The following GLT1D1 variants were observed in gnomAD, a reference collection of about 807,000 sequenced individuals.
GLT1D1 encodes the protein glycosyltransferase 1 domain containing 1.
GLT1D1 carries 21 observed loss-of-function variants against 28.7 expected under a neutral mutation model. The ratio of observed to expected loss-of-function variants is 0.73; its 90% CI spans 0.52 to 1.05. GLT1D1 has a LOEUF of 1.05. Ranked by LOEUF, GLT1D1 falls within the 50% of genes least tolerant of loss-of-function variation. The probability of loss-of-function intolerance (pLI) is 0.00; values close to 1 mark genes in which losing one functional copy is unlikely to be tolerated. For synonymous variants in GLT1D1, 147 were observed against 124.8 expected (o/e 1.18, Z -1.19); for missense variants, 343 against 330.6 (o/e 1.04, Z -0.29).
chr12:128,955,509 C>T (rs1194238239), intron 6 of GLT1D1, among the ~76,000 whole-genome samples: 2 of 80,048 alleles, frequency 2.5e-5, no homozygotes, highest in Non-Finnish European at 5.0e-5. Flanking sequence ...ATAATTCCCT[C>T]GGTGTTGTAT....
At chr12:128,854,106 C>G (rs1566073358) in intron 1 of GLT1D1, among the ~76,000 whole-genome samples, 1 of 152,182 alleles carries the variant, frequency 6.6e-6, no homozygotes, top group East Asian at 1.9e-4. Flanking sequence ...GGTCCTGTCC[C>G]CGAAGTCCCT....
chr12:128,961,070 G>A lies in GLT1D1; in HGVS notation c.639+3427G>A, dbSNP rs140058862. ...ACTGATTTTACATACAGTAAAGGAT[G>A]TGGGTGACTGTTAAAGGGCATTCCC... On this transcript the variant is annotated intron_variant, in intron 7 of 7. Transcript: ENST00000281703. Among the ~76,000 whole-genome samples, 545 of 152,326 alleles carry A rather than the reference G, an allele frequency of 3.6e-3. 3 individuals carry two copies. The highest frequency in any genetic ancestry group is 0.013 in the African/African-American group (526 of 41,568).
intron 1 of GLT1D1, among the ~76,000 whole-genome samples, chr12:128,858,449 A>G (rs377161048): frequency 1.3e-5 from 2 of 152,158 alleles, no homozygotes; most frequent in East Asian, 1.9e-4. Context: ...AGGCAGGTGG[A>G]TCACTTGAGG....
intron 1 of GLT1D1, among the ~76,000 whole-genome samples, chr12:128,874,092 CTT>C (rs1309791117): frequency 0.015 from 325 of 22,140 alleles, 10 homozygotes; most frequent in Non-Finnish European, 0.016. Context: ...TTCTTTCTTT[CTT>C]TCTTTCTCTC....
At chr12:128,868,514 A>G (rs761947702) in intron 1 of GLT1D1, among the ~76,000 whole-genome samples, 8 of 152,216 alleles carry the variant, frequency 5.3e-5, no homozygotes, top group Non-Finnish European at 7.3e-5. Context: ...GGCCTCCGGG[A>G]ACTTCTGAAG....
chr12:128,871,182 G>C (rs1027749521), intron 1 of GLT1D1, among the ~76,000 whole-genome samples: 1 of 152,144 alleles, frequency 6.6e-6, no homozygotes, highest in African/African-American at 2.4e-5. Context: ...ATTTCTTAGA[G>C]CTTTACGAAG....
intron 4 of GLT1D1, among the ~76,000 whole-genome samples, chr12:128,918,406 A>T (rs949795834): frequency 4.6e-5 from 7 of 152,184 alleles, no homozygotes; most frequent in African/African-American, 1.4e-4. Flanking sequence ...GATGCAGCAA[A>T]CCACCATGGC....
At chr12:128,920,320 G>A (rs1051588575) in intron 4 of GLT1D1, among the ~76,000 whole-genome samples, 13 of 152,308 alleles carry the variant, frequency 8.5e-5, no homozygotes, top group African/African-American at 2.6e-4. Flanking sequence ...GCCGGAGGCC[G>A]AGGCAGCGGA....
At chr12:128,922,518 T>A (rs73153437) in intron 4 of GLT1D1, among the ~76,000 whole-genome samples, 11,097 of 152,290 alleles carry the variant, frequency 0.073, 494 homozygotes, top group East Asian at 0.17. Flanking sequence ...TAACCTCAAA[T>A]TCTTCTGACC....
intron 7 of GLT1D1, among the ~76,000 whole-genome samples, chr12:128,978,148 G>T (rs535182638): frequency 6.6e-6 from 1 of 151,924 alleles, no homozygotes; most frequent in Non-Finnish European, 1.5e-5. Flanking sequence ...AGAAGATCCT[G>T]AGTGGACACC....
At position 128,879,458 on chromosome 12, in the gene GLT1D1, CTTTT is replaced by C. The variant is rs796391633; in HGVS notation, c.217+3401_217+3404del. On this transcript the variant is annotated intron_variant, in intron 2 of 7. Transcript: ENST00000281703. ...TCTTTCTTTCTTTCTTTCTTTCTTT[CTTTT>C]TTTTGGGGGGGTGGGCAGAGTCTCA... is the stretch of plus-strand genomic sequence containing the variant. 6.8e-5 allele frequency among the ~76,000 whole-genome samples: 6 copies of C among 88,232 alleles called. 1 individual carries two copies. The highest frequency in any genetic ancestry group is 1.6e-4 in the African/African-American group (4 of 25,012). 57.9% of individuals were successfully genotyped at this position (88,232 alleles called of 152,430 possible). A position where few individuals can be genotyped will look rare whatever the true frequency, so the allele number is the denominator to read the frequency against.
intron 1 of GLT1D1, among the ~76,000 whole-genome samples, chr12:128,874,400 T>C (rs1347686815): frequency 4.6e-5 from 7 of 151,582 alleles, no homozygotes; most frequent in Non-Finnish European, 8.8e-5. Context: ...CAGGCTGGTC[T>C]TGAACTCCTG....
rs61169176 is a variant in GLT1D1 at position 128,973,179 on chromosome 12, G to GTTTTTT, written c.640-9728_640-9723dup. On this transcript the variant is annotated intron_variant, in intron 7 of 7. Transcript: ENST00000281703. ...CTTTTCTGTTTTGTTTGTTTGCTTG[G>GTTTTTT]TTTTTTTTTTTTTTTTTTTTTTTTT... Among the ~76,000 whole-genome samples the GTTTTTT allele has an allele frequency of 2.9e-4, 15 of 50,984 alleles. 1 individual carries two copies. Among genetic ancestry groups the GTTTTTT allele is most frequent in the Non-Finnish European group, 4.0e-4 (10 of 24,890 alleles). The allele number at this position is 50,984 out of a possible 152,430, so 33.4% of individuals were successfully genotyped here. A position where few individuals can be genotyped will look rare whatever the true frequency, so the allele number is the denominator to read the frequency against.
chr12:128,891,718 G>T (rs923551162), intron 3 of GLT1D1, among the ~76,000 whole-genome samples: 9 of 152,192 alleles, frequency 5.9e-5, no homozygotes, highest in African/African-American at 2.2e-4. Flanking sequence ...GAAAACCAGG[G>T]TTACTGAGAG....
intron 4 of GLT1D1, 168 bp from the exon 9 acceptor site, chr12:128,945,158 C>G (rs1470713240): frequency 4.0e-6 from 3 of 757,408 alleles, no homozygotes; most frequent in South Asian, 1.4e-5. Flanking sequence ...TTGCCCGAGC[C>G]GGGGGCCCCC....
chr12:128,862,375 G>T (rs897110143), intron 1 of GLT1D1, among the ~76,000 whole-genome samples: 6 of 149,366 alleles, frequency 4.0e-5, no homozygotes, highest in African/African-American at 1.2e-4. Context: ...GAAAGTTGTT[G>T]CTGGGCGCTG....
intron 1 of GLT1D1, among the ~76,000 whole-genome samples, chr12:128,863,633 C>T (rs34826386): frequency 0.28 from 43,302 of 152,082 alleles, 6,369 homozygotes; most frequent in South Asian, 0.53. Flanking sequence ...TCGCCTCGGC[C>T]TTCCAAAGTG....
At chr12:128,923,580 T>A (rs1175590824) in intron 4 of GLT1D1, among the ~76,000 whole-genome samples, 1 of 151,882 alleles carries the variant, frequency 6.6e-6, no homozygotes, top group Non-Finnish European at 1.5e-5. Flanking sequence ...GGGAGTGCAG[T>A]GCACCATCTC....
At chr12:128,901,370 T>G (rs1046363154) in intron 4 of GLT1D1, among the ~76,000 whole-genome samples, 1 of 152,086 alleles carries the variant, frequency 6.6e-6, no homozygotes, top group Non-Finnish European at 1.5e-5. Context: ...TCTGCCCTCC[T>G]CAGCCTCCCA....
Sources: allele counts gnomAD v4.1 joint callset (sites outside exome capture counted in the v4.1 genomes callset), GRCh38; gene constraint gnomAD v4.1.1; transcripts MANE v1.5; gene names NCBI Gene and HGNC (gene_info 2026-07-23, HGNC 2026-07-21).